Variants in NUFIP1 observed in about 807,000 individuals in gnomAD.
NUFIP1 encodes nuclear FMR1 interacting protein 1.
Under a neutral mutation model 56.2 loss-of-function variants are expected in NUFIP1, and 38 were observed. That is an observed-to-expected ratio of 0.68 (90% CI 0.52 to 0.89). The LOEUF (loss-of-function observed/expected upper bound fraction) is 0.89. Among genes scored for constraint, NUFIP1 ranks in the 40% least tolerant of loss-of-function variants. The pLI is 0.00. For missense variants in NUFIP1, 567 were observed against 605.8 expected, an observed-to-expected ratio of 0.94 and a Z score of 0.67; for synonymous variants, 215 against 212.4, an observed-to-expected ratio of 1.01 and a Z score of -0.10.
At chr13:44,980,098 C>G in intron 3 of NUFIP1, 146 bp from the exon 4 acceptor site, 1 of 539,532 alleles carries the variant, frequency 1.9e-6, no homozygotes, top group Non-Finnish European at 3.2e-6. Flanking sequence ...AAAAATGACT[C>G]CAAAACAGGG....
At chr13:44,974,739 C>A (rs965379206) in intron 5 of NUFIP1, among the ~76,000 whole-genome samples, 2 of 152,084 alleles carry the variant, frequency 1.3e-5, no homozygotes, top group African/African-American at 4.8e-5. Context: ...TTGTAGATAC[C>A]AAGGGTATCA....
intron 1 of NUFIP1, among the ~76,000 whole-genome samples, chr13:44,983,884 G>T (rs1021412386): frequency 1.2e-4 from 18 of 152,312 alleles, no homozygotes; most frequent in South Asian, 8.3e-4. Flanking sequence ...CATGCAGCAA[G>T]AAGGTCCTCA....
intron 7 of NUFIP1, among the ~76,000 whole-genome samples, chr13:44,958,033 T>C (rs1871301151): frequency 6.6e-6 from 1 of 152,196 alleles, no homozygotes; most frequent in Non-Finnish European, 1.5e-5. Flanking sequence ...AAAAAATCAG[T>C]GCCCAAGAGT....
chr13:44,962,329 T>C (rs905501841), intron 6 of NUFIP1, among the ~76,000 whole-genome samples: 1 of 152,244 alleles, frequency 6.6e-6, no homozygotes, highest in Non-Finnish European at 1.5e-5. Context: ...CTGCATTATA[T>C]TGCCAGATTT....
intron 5 of NUFIP1, among the ~76,000 whole-genome samples, chr13:44,971,018 T>C (rs942121775): frequency 3.3e-5 from 5 of 152,176 alleles, no homozygotes; most frequent in Non-Finnish European, 2.9e-5. Flanking sequence ...ATAGTATTTA[T>C]GCATTTTTGA....
chr13:44,989,012 A>G lies in NUFIP1; in HGVS notation c.412+13T>C, dbSNP rs200683113. On this transcript the variant is annotated intron_variant, in intron 1 of 9. Transcript: ENST00000379161. The stretch of plus-strand genomic sequence containing the variant: ...AAGGTAAAGGGGTCGACTCACGTGG[A>G]AAAATAGCCTACCTGCAGGGTTGAA... 5.7e-4 allele frequency: 917 copies of G among 1,612,656 alleles called. 1 individual carries two copies. Among genetic ancestry groups the G allele is most frequent in the Non-Finnish European group, 7.4e-4 (876 of 1,179,556 alleles).
At chr13:44,967,147 A>C (rs1871633473) in intron 5 of NUFIP1, among the ~76,000 whole-genome samples, 1 of 150,750 alleles carries the variant, frequency 6.6e-6, no homozygotes. Context: ...AAAATCCATA[A>C]AGAAAAGAAA....
chr13:44,941,670 T>C (rs1870743011), intron 9 of NUFIP1, among the ~76,000 whole-genome samples: 1 of 151,708 alleles, frequency 6.6e-6, no homozygotes, highest in South Asian at 2.1e-4. Context: ...CCCGCCACCA[T>C]GCCCGGCTAA....
rs1459976369 is a variant in NUFIP1 at position 44,970,483 on chromosome 13, C to T, written c.735-4547G>A. 3.3e-5 allele frequency among the ~76,000 whole-genome samples: 5 copies of T among 152,078 alleles called. No individual in the cohort carries two copies. In the East Asian group the frequency reaches 7.7e-4, roughly 23 times the overall value. On this transcript the variant is annotated intron_variant, in intron 5 of 9. Coordinates refer to ENST00000379161, the MANE Select transcript of NUFIP1 (RefSeq NM_012345.3). Reference sequence around the variant, plus strand: ...CAACTACATAAAGACCTTATTTTTCCTGCATGTCAAAGAATATAGTGGCTT... The same window carrying T: ...CAACTACATAAAGACCTTATTTTTCTTGCATGTCAAAGAATATAGTGGCTT...
intron 5 of NUFIP1, among the ~76,000 whole-genome samples, 191 bp from the exon 6 acceptor site, chr13:44,966,127 C>G (rs1871592907): frequency 6.6e-6 from 1 of 152,162 alleles, no homozygotes. Flanking sequence ...TGTGGACCAC[C>G]TGCTAATCCA....
At chr13:44,976,375 G>A (rs554293442) in intron 5 of NUFIP1, among the ~76,000 whole-genome samples, 4 of 151,074 alleles carry the variant, frequency 2.6e-5, no homozygotes, top group Admixed American at 6.6e-5. Context: ...AGGAGGAGGC[G>A]AAGGTGAAGG....
intron 6 of NUFIP1, among the ~76,000 whole-genome samples, chr13:44,963,077 C>T (rs754032275): frequency 1.6e-4 from 25 of 151,810 alleles, no homozygotes; most frequent in Non-Finnish European, 3.2e-4. Flanking sequence ...CCCATCCCTC[C>T]TCCACCAAAA....
At chr13:44,950,949 T>C (rs1299447444) in intron 7 of NUFIP1, among the ~76,000 whole-genome samples, 1 of 152,184 alleles carries the variant, frequency 6.6e-6, no homozygotes, top group African/African-American at 2.4e-5. Context: ...AGACTAAGCA[T>C]TTAATGTTCA....
chr13:44,976,181 T>C (rs1188235110), intron 5 of NUFIP1, among the ~76,000 whole-genome samples: 2 of 152,314 alleles, frequency 1.3e-5, no homozygotes, highest in Admixed American at 6.5e-5. Context: ...TCCAGCAGGA[T>C]ACAATCTTCC....
rs543260800 is a variant in NUFIP1 at position 44,986,733 on chromosome 13, C to T, written c.412+2292G>A. ...AAAGAAGTGGAGCCACAAGATGTGACTTGCTGCAATCTCATGGTAAACCTT... is the reference window on the plus strand; with the variant it reads ...AAAGAAGTGGAGCCACAAGATGTGATTTGCTGCAATCTCATGGTAAACCTT... On this transcript the variant is annotated intron_variant, in intron 1 of 9. Transcript: ENST00000379161. Among the ~76,000 whole-genome samples the T allele has an allele frequency of 4.6e-5, 7 of 151,100 alleles. No homozygotes were observed. In the East Asian group the frequency reaches 1.4e-3, roughly 29 times the overall value.
In NUFIP1 at chr13:44,965,867, T is replaced by C; in HGVS notation, c.804A>G (p.Ala268=). The change falls in exon 6 of 10, where the codon GCA becomes GCG. Residue 268 remains alanine, a synonymous_variant. Transcript: ENST00000379161. ...ACCCATATTGTGTTGTTGTCAATAC[T>C]GCTCCTCTCTTCTCCTTTTCAAGTT... ...KLKLEKEKRG[A]VLTTTQYGKM... is the part of the protein sequence containing the mutation. 1.9e-6 allele frequency: 3 copies of C among 1,601,010 alleles called. No individual in the cohort carries two copies. Among genetic ancestry groups the C allele is most frequent in the Non-Finnish European group, 2.6e-6 (3 of 1,174,862 alleles).
chr13:44,970,010 G>A (rs1370892719), intron 5 of NUFIP1, among the ~76,000 whole-genome samples: 1 of 152,162 alleles, frequency 6.6e-6, no homozygotes, highest in Non-Finnish European at 1.5e-5. Context: ...GAAACAAAAG[G>A]ATTTCCTCAG....
chr13:44,956,405 A>G (rs1871245788), intron 7 of NUFIP1, among the ~76,000 whole-genome samples: 1 of 152,130 alleles, frequency 6.6e-6, no homozygotes, highest in South Asian at 2.1e-4. Context: ...TTCCAAAGAC[A>G]GAGGGTGGGG....
chr13:44,955,788 C>T (rs1593360221), intron 7 of NUFIP1, among the ~76,000 whole-genome samples: 1 of 151,496 alleles, frequency 6.6e-6, no homozygotes, highest in Non-Finnish European at 1.5e-5. Flanking sequence ...TGTCTTGGGC[C>T]ACACATAAAA....
Sources: gnomAD v4.1 joint callset for allele counts (sites outside exome capture counted in the v4.1 genomes callset) on GRCh38, gnomAD v4.1.1 for gene constraint, MANE v1.5 for transcripts, NCBI Gene and HGNC (gene_info 2026-07-23, HGNC 2026-07-21) for gene names.